Variants in SMR3B observed in about 807,000 individuals in gnomAD.
SMR3B encodes submaxillary gland androgen-regulated protein 3B.
For missense variants in SMR3B, 114 were observed against 99.9 expected (o/e 1.14, Z -0.60); for synonymous variants, 42 against 36.1 (o/e 1.16, Z -0.59).
At chr4:70,388,740 T>C (rs561673719) in intron 2 of SMR3B, among the ~76,000 whole-genome samples, 1 of 152,158 alleles carries the variant, frequency 6.6e-6, no homozygotes, top group South Asian at 2.1e-4. Flanking sequence ...AGAAGATCTG[T>C]TTGTAACCCT....
chr4:70,388,930 A>G (rs1015694993), intron 2 of SMR3B, among the ~76,000 whole-genome samples: 9 of 152,218 alleles, frequency 5.9e-5, no homozygotes, highest in African/African-American at 2.2e-4. Flanking sequence ...TAAATGACAG[A>G]TTCGACTATA....
intron 2 of SMR3B, among the ~76,000 whole-genome samples, chr4:70,388,971 A>C (rs528852348): frequency 1.3e-5 from 2 of 152,150 alleles, no homozygotes; most frequent in Non-Finnish European, 2.9e-5. Context: ...CTCATTATAT[A>C]TATTTTTTTA....
chr4:70,387,427 G>A (rs1463938599), intron 2 of SMR3B, among the ~76,000 whole-genome samples: 5 of 152,122 alleles, frequency 3.3e-5, no homozygotes, highest in African/African-American at 1.2e-4. Flanking sequence ...TGGGGGAGAA[G>A]GGTGAGTGGA....
At chr4:70,388,291 A>T (rs1255980075) in intron 2 of SMR3B, among the ~76,000 whole-genome samples, 5 of 148,196 alleles carry the variant, frequency 3.4e-5, no homozygotes, top group South Asian at 4.3e-4. Context: ...TTTATTTTTT[A>T]AAATAGAGAC....
intron 2 of SMR3B, among the ~76,000 whole-genome samples, chr4:70,386,127 G>T (rs1732661342): frequency 6.6e-6 from 1 of 151,774 alleles, no homozygotes; most frequent in African/African-American, 2.4e-5. Flanking sequence ...ACAAAAATTA[G>T]CTAGGCATGA....
intron 2 of SMR3B, among the ~76,000 whole-genome samples, chr4:70,386,559 T>G (rs1732669612): frequency 6.6e-6 from 1 of 152,114 alleles, no homozygotes; most frequent in African/African-American, 2.4e-5. Flanking sequence ...TAAAGTAATG[T>G]AGGAGATTAG....
At chr4:70,389,225 G>T (rs1348488072) in intron 2 of SMR3B, among the ~76,000 whole-genome samples, 1 of 152,250 alleles carries the variant, frequency 6.6e-6, no homozygotes, top group East Asian at 1.9e-4. Context: ...AGGCTGAAAA[G>T]GTGTGCCCAC....
At chr4:70,388,162 G>A (rs1013465254) in intron 2 of SMR3B, among the ~76,000 whole-genome samples, 1 of 152,028 alleles carries the variant, frequency 6.6e-6, no homozygotes, top group African/African-American at 2.4e-5. Flanking sequence ...TATTCTTTAA[G>A]CCTCTTTTCA....
intron 1 of SMR3B, among the ~76,000 whole-genome samples, chr4:70,384,000 C>G (rs1050298600): frequency 1.5e-5 from 2 of 130,806 alleles, no homozygotes; most frequent in Non-Finnish European, 3.2e-5. Context: ...TAGACTATAT[C>G]CAACAGGGTG....
At chr4:70,385,301 C>G (rs538887800) in intron 2 of SMR3B, among the ~76,000 whole-genome samples, 67 of 151,490 alleles carry the variant, frequency 4.4e-4, no homozygotes, top group African/African-American at 1.4e-3. Flanking sequence ...AATATGAAAG[C>G]TGTTTTTTTT....
In SMR3B at chr4:70,389,893, T is replaced by G. The variant is rs1362992725; in HGVS notation, c.*45T>G. 1.2e-6 allele frequency: 2 copies of G among 1,610,620 alleles called. No individual in the cohort carries two copies. Among genetic ancestry groups the G allele is most frequent in the South Asian group, 2.2e-5 (2 of 90,938 alleles). On this transcript the variant is annotated 3_prime_UTR_variant, in exon 3 of 3. Coordinates refer to ENST00000304915, the MANE Select transcript of SMR3B (RefSeq NM_006685.4). ...ATGCCCCAGGTTATCCACAGCCTCC[T>G]TCCCGACCAAGACCCTATCCACCTG...
Position 70,390,193 on chromosome 4 carries a change from T to G in SMR3B, c.*345T>G, listed in dbSNP as rs2109762970. 1.7e-6 allele frequency: 1 copy of G among 585,554 alleles called. No homozygotes were observed. The allele number at this position is 585,554 out of a possible 1,614,324, so 36.3% of individuals were successfully genotyped here. A position where few individuals can be genotyped will look rare whatever the true frequency, so the allele number is the denominator to read the frequency against. ...AGAAAGAAATTGTAGAAAAAACCCA[T>G]GCAGACATAACATTTATACCAATGA... is the stretch of plus-strand genomic sequence containing the variant. On this transcript the variant is annotated 3_prime_UTR_variant, in exon 3 of 3. Transcript: ENST00000304915.
chr4:70,389,487 T>C (rs1732720741), intron 2 of SMR3B, among the ~76,000 whole-genome samples, 176 bp from the exon 3 acceptor site: 1 of 152,194 alleles, frequency 6.6e-6, no homozygotes, highest in African/African-American at 2.4e-5. Context: ...CTTCTGTCTC[T>C]GACATTGTAG....
intron 2 of SMR3B, among the ~76,000 whole-genome samples, chr4:70,385,528 G>C (rs1037541967): frequency 4.0e-4 from 61 of 151,036 alleles, no homozygotes; most frequent in African/African-American, 1.3e-3. Flanking sequence ...CTCAGCCTCC[G>C]GTGTAGCTGG....
chr4:70,389,718 C>T lies in SMR3B; in HGVS notation c.110C>T (p.Pro37Leu), dbSNP rs1461831019. The T allele has an allele frequency of 1.2e-6, 2 of 1,614,126 alleles. No homozygotes were observed. The highest frequency in any genetic ancestry group is 1.7e-6 in the Non-Finnish European group (2 of 1,180,034). The change falls in exon 3 of 3, where the codon CCT (proline) becomes CTT (leucine). Residue 37 changes from proline (P) to leucine (L), a missense_variant. Physicochemically the swap from Pro to Leu is moderately conservative, Grantham distance 98 (BLOSUM62 -3). Coordinates refer to ENST00000304915, the MANE Select transcript of SMR3B (RefSeq NM_006685.4). ...CCATATCCACCTGGACCGCTGGCTC[C>T]TCCTCAACCTTTTGGCCCAGGATTT... ...RGPYPPGPLA[P>L]PQPFGPGFVP...
intron 2 of SMR3B, among the ~76,000 whole-genome samples, chr4:70,389,008 G>C (rs1422356151): frequency 6.6e-6 from 1 of 152,044 alleles, no homozygotes; most frequent in African/African-American, 2.4e-5. Context: ...CTTTCATTGA[G>C]AGCCTACGTA....
At chr4:70,383,936 T>C (rs1732606828) in intron 1 of SMR3B, among the ~76,000 whole-genome samples, 1 of 152,136 alleles carries the variant, frequency 6.6e-6, no homozygotes, top group African/African-American at 2.4e-5. Context: ...ACAGCCTAAA[T>C]TAATGTAATA....
intron 2 of SMR3B, among the ~76,000 whole-genome samples, chr4:70,385,669 G>T (rs1732651797): frequency 6.6e-6 from 1 of 151,812 alleles, no homozygotes; most frequent in African/African-American, 2.4e-5. Flanking sequence ...CTCCCAAAGT[G>T]CTGGGATTAC....
At chr4:70,384,190 A>C (rs1003231308) in intron 1 of SMR3B, among the ~76,000 whole-genome samples, 3 of 152,154 alleles carry the variant, frequency 2.0e-5, no homozygotes, top group African/African-American at 4.8e-5. Context: ...GTTACTTCTA[A>C]GGGAAAAACC....
Sources: allele counts gnomAD v4.1 joint callset (sites outside exome capture counted in the v4.1 genomes callset), GRCh38; gene constraint gnomAD v4.1.1; transcripts MANE v1.5; gene names NCBI Gene and HGNC (gene_info 2026-07-23, HGNC 2026-07-21).